TBC1D8B: variants seen among roughly 807,000 people sequenced by gnomAD.
TBC1D8B encodes the protein RP11-321G1.1.
In TBC1D8B, 75 loss-of-function variants were observed where a neutral mutation model predicts 82.9. That is an observed-to-expected ratio of 0.90 (90% confidence interval 0.75 to 1.10). TBC1D8B has a LOEUF of 1.10. TBC1D8B is among the 50% of genes least tolerant of loss of function. TBC1D8B has a pLI of 0.00. For missense variants in TBC1D8B, 794 were observed against 796.9 expected (o/e 1.00, Z 0.04); for synonymous variants, 276 against 276.8 (o/e 1.00, Z 0.03).
At chrX:106,809,884 CAAAAAAAAAAA>C (rs1234195385) in intron 1 of TBC1D8B, among the ~76,000 whole-genome samples, 1 of 36,797 alleles carries the variant, frequency 2.7e-5, no homozygotes, top group Non-Finnish European at 5.5e-5. Context: ...GACTCCGTCT[CAAAAAAAAAAA>C]AAAAAAAAAG....
intron 14 of TBC1D8B, among the ~76,000 whole-genome samples, chrX:106,864,618 A>C (rs961263686): frequency 9.7e-6 from 1 of 103,366 alleles, no homozygotes; most frequent in Non-Finnish European, 1.9e-5. Context: ...TCCCGGGTTC[A>C]AGTGATTCTT....
chrX:106,806,333 A>C (rs1931186971), intron 1 of TBC1D8B, among the ~76,000 whole-genome samples: 1 of 112,280 alleles, frequency 8.9e-6, no homozygotes, highest in African/African-American at 3.2e-5. Flanking sequence ...ATTTTCCTTC[A>C]TTTAGAGAAA....
chrX:106,847,698 A>G (rs1241341446), intron 10 of TBC1D8B, among the ~76,000 whole-genome samples: 1 of 111,658 alleles, frequency 9.0e-6, no homozygotes, highest in Non-Finnish European at 1.9e-5. Context: ...TTTCAGCATA[A>G]TCAAAACTAG....
intron 2 of TBC1D8B, 92 bp downstream of exon 2, chrX:106,818,865 G>C: frequency 1.5e-6 from 1 of 665,385 alleles, no homozygotes; most frequent in Middle Eastern, 4.1e-4. Flanking sequence ...GTTGCTTTGA[G>C]ATTTAAAAAC....
intron 5 of TBC1D8B, 98 bp from the exon 6 acceptor site, chrX:106,825,932 C>A: frequency 1.5e-6 from 1 of 674,060 alleles, no homozygotes. Context: ...AATCTGTGTG[C>A]ACAGTGTATG....
chrX:106,814,997 G>T (rs1931499018), intron 1 of TBC1D8B: 1 of 111,057 alleles, frequency 9.0e-6, no homozygotes, highest in African/African-American at 3.3e-5. Flanking sequence ...TCTGTAGGTT[G>T]CCTGTTCACT....
At chrX:106,859,162 T>G (rs1162287831) in intron 14 of TBC1D8B, among the ~76,000 whole-genome samples, 3 of 112,240 alleles carry the variant, frequency 2.7e-5, no homozygotes, top group Non-Finnish European at 3.8e-5. Context: ...CTTTGTTCAT[T>G]TTGCTTAGTA....
chrX:106,863,594 C>A (rs771931107), intron 14 of TBC1D8B, among the ~76,000 whole-genome samples: 1 of 111,547 alleles, frequency 9.0e-6, no homozygotes, highest in East Asian at 2.9e-4. Context: ...CTGGGAGCTG[C>A]GGGAGTGAGT....
Position 106,827,434 on chromosome X carries a change from A to C in TBC1D8B, c.1203+97A>C, listed in dbSNP as rs760867424. On this transcript the variant is annotated intron_variant, in intron 7 of 20. Transcript: ENST00000357242. ...GGAATTCATAGTACCTTTCCTATTT[A>C]TGCCCAGGGGTTTTTTTTAAAGATA... 4 of 951,197 alleles carry C rather than the reference A, an allele frequency of 4.2e-6. No homozygotes were observed. In the South Asian group the frequency reaches 7.0e-5, roughly 17 times the overall value. The allele number at this position is 951,197 out of a possible 1,213,427, so 78.4% of individuals were successfully genotyped here.
intron 1 of TBC1D8B, among the ~76,000 whole-genome samples, chrX:106,807,227 A>AACACACACAC (rs1177815193): frequency 9.4e-6 from 1 of 106,108 alleles, no homozygotes; most frequent in Non-Finnish European, 1.9e-5. Flanking sequence ...CACACACACA[A>AACACACACAC]ACACACACAC....
At chrX:106,830,246 T>A (rs1263222562) in intron 7 of TBC1D8B, among the ~76,000 whole-genome samples, 1 of 111,750 alleles carries the variant, frequency 8.9e-6, no homozygotes, top group East Asian at 2.8e-4. Flanking sequence ...CACAATGAGA[T>A]ACCATCTCAC....
At position 106,839,353 on chromosome X, in the gene TBC1D8B, G is replaced by A. The variant is rs748527246; in HGVS notation, c.1249G>A (p.Val417Met). The A allele has an allele frequency of 2.5e-6, 3 of 1,187,687 alleles. No individual in the cohort carries two copies. The highest frequency in any genetic ancestry group is 1.9e-5 in the South Asian group (1 of 51,603). The change falls in exon 8 of 21, where the codon GTG becomes ATG. Residue 417 changes from valine (V) to methionine (M), a missense_variant. Physicochemically the swap from Val to Met is conservative, Grantham distance 21. Coordinates refer to ENST00000357242, the MANE Select transcript of TBC1D8B (RefSeq NM_017752.3). ...ESTEPSDNFE[V>M]QSLTSQRECS... ...TACAGAGCCATCTGATAATTTTGAG[G>A]TGCAATCTTTGACAAGTCAGAGGGA...
chrX:106,858,187 T>C (rs1325485965), intron 14 of TBC1D8B, among the ~76,000 whole-genome samples: 1 of 112,522 alleles, frequency 8.9e-6, no homozygotes, highest in African/African-American at 3.2e-5. Context: ...CATGTGCTTG[T>C]TGGCTGCATG....
rs1412912203 is a variant in TBC1D8B at position 106,822,164 on chromosome X, A to G, written c.548A>G (p.Asn183Ser). ...CAGGGTTGGCTTTATCTTAGCACCAACTTTCTGAGCTTCTATTCTTTTTTG... is the reference window on the plus strand; with the variant it reads ...CAGGGTTGGCTTTATCTTAGCACCAGCTTTCTGAGCTTCTATTCTTTTTTG... ...PCQGWLYLST[N>S]FLSFYSFLLG... is the part of the protein sequence containing the mutation. Residue 183 changes from asparagine (N) to serine (S), a missense_variant, in exon 4 of 21, where the codon AAC (asparagine) becomes AGC (serine). Physicochemically the swap from Asn to Ser is conservative, Grantham distance 46. Coordinates refer to ENST00000357242, the MANE Select transcript of TBC1D8B (RefSeq NM_017752.3). 6.6e-6 allele frequency: 8 copies of G among 1,205,348 alleles called. No homozygotes were observed. The highest frequency in any genetic ancestry group is 1.8e-5 in the African/African-American group (1 of 56,889).
chrX:106,828,147 A>G lies in TBC1D8B; in HGVS notation c.1203+810A>G, dbSNP rs1450997655. 3 of 111,385 alleles carry G rather than the reference A, an allele frequency of 2.7e-5. No homozygotes were observed. In the East Asian group the frequency reaches 8.4e-4, roughly 31 times the overall value. 9.2% of individuals were successfully genotyped at this position (111,385 alleles called of 1,213,427 possible). ...CCACAGAAATACAAACTACCATCAG[A>G]GAATACTACAAACACCTCTACGCAA... On this transcript the variant is annotated intron_variant, in intron 7 of 20. Coordinates refer to ENST00000357242, the MANE Select transcript of TBC1D8B (RefSeq NM_017752.3).
intron 1 of TBC1D8B, among the ~76,000 whole-genome samples, chrX:106,806,663 A>T (rs758170164): frequency 9.0e-6 from 1 of 111,479 alleles, no homozygotes; most frequent in Admixed American, 9.5e-5. Flanking sequence ...TGAATAGTGT[A>T]AGCAGGTTCT....
At chrX:106,831,259 T>G (rs1932040347) in intron 7 of TBC1D8B, among the ~76,000 whole-genome samples, 1 of 111,952 alleles carries the variant, frequency 8.9e-6, no homozygotes, top group South Asian at 3.7e-4. Flanking sequence ...GCTAAGTCAA[T>G]TATAATGCAG....
intron 7 of TBC1D8B, among the ~76,000 whole-genome samples, chrX:106,837,003 A>G (rs766910956): frequency 9.8e-5 from 11 of 111,870 alleles, no homozygotes; most frequent in African/African-American, 2.6e-4. Context: ...ACCCCCAAAA[A>G]GATGTTGTAC....
At chrX:106,803,724 T>C (rs1327038247) in intron 1 of TBC1D8B, among the ~76,000 whole-genome samples, 2 of 111,845 alleles carry the variant, frequency 1.8e-5, no homozygotes, top group East Asian at 5.6e-4. Context: ...TCTTCCTGTC[T>C]AACCCACCCT....
Sources: allele counts gnomAD v4.1 joint callset (sites outside exome capture counted in the v4.1 genomes callset), GRCh38; gene constraint gnomAD v4.1.1; transcripts MANE v1.5; gene names NCBI Gene and HGNC (gene_info 2026-07-23, HGNC 2026-07-21).